Variants in RFC1 observed in about 807,000 individuals in gnomAD.
RFC1 encodes A1 140 kDa subunit.
A neutral mutation model predicts 137.4 loss-of-function variants in RFC1; 37 were observed. The ratio of observed to expected loss-of-function variants is 0.27; its 90% CI spans 0.21 to 0.35. The LOEUF is 0.35. RFC1 is among the 10% of genes least tolerant of loss of function. The pLI is 1.00. For missense variants in RFC1, 1,205 were observed against 1,358.5 expected, an observed-to-expected ratio of 0.89 and a Z score of 1.78; for synonymous variants, 429 against 455.7, an observed-to-expected ratio of 0.94 and a Z score of 0.75.
intron 14 of RFC1, 77 bp from the exon 15 acceptor site, chr4:39,305,005 G>A: frequency 1.2e-6 from 1 of 824,362 alleles, no homozygotes; most frequent in East Asian, 2.4e-5. Context: ...GGCCAGTTAA[G>A]AAAGAAAGAA....
intron 10 of RFC1, among the ~76,000 whole-genome samples, chr4:39,313,139 T>C (rs998494357): frequency 2.0e-5 from 3 of 152,170 alleles, no homozygotes; most frequent in Non-Finnish European, 4.4e-5. Flanking sequence ...TTAATAAACT[T>C]ACAAAACAAG....
At chr4:39,355,350 G>A (rs750082660) in intron 1 of RFC1, among the ~76,000 whole-genome samples, 2 of 151,528 alleles carry the variant, frequency 1.3e-5, no homozygotes, top group Admixed American at 6.6e-5. Flanking sequence ...TGGCACTTGC[G>A]CGCCAAGAGT....
chr4:39,324,181 C>A (rs577550579), intron 6 of RFC1, among the ~76,000 whole-genome samples: 1 of 151,786 alleles, frequency 6.6e-6, no homozygotes, highest in Non-Finnish European at 1.5e-5. Flanking sequence ...CTACATTATT[C>A]AAACAAAGAA....
intron 6 of RFC1, among the ~76,000 whole-genome samples, chr4:39,324,465 C>G (rs1010292949): frequency 1.3e-5 from 2 of 152,284 alleles, no homozygotes; most frequent in South Asian, 2.1e-4. Flanking sequence ...AAATTACTTC[C>G]TAGTTTGACC....
chr4:39,332,288 G>A (rs1005572571), intron 4 of RFC1, among the ~76,000 whole-genome samples: 13 of 152,098 alleles, frequency 8.5e-5, no homozygotes, highest in African/African-American at 2.7e-4. Flanking sequence ...CAGAGTCAGT[G>A]CTTTAGTTTC....
At chr4:39,329,859 A>C (rs891425605) in intron 4 of RFC1, among the ~76,000 whole-genome samples, 5 of 152,166 alleles carry the variant, frequency 3.3e-5, no homozygotes, top group Admixed American at 6.5e-5. Flanking sequence ...ACATGGTGAG[A>C]GCCCGTCTCT....
chr4:39,348,431 A>AAGACAAGACAAGACAAGACAAGAC (rs1740985979), intron 2 of RFC1, among the ~76,000 whole-genome samples: 1 of 83,920 alleles, frequency 1.2e-5, no homozygotes, highest in African/African-American at 4.2e-5. Flanking sequence ...TCAAAAAAGA[A>AAGACAAGACAAGACAAGACAAGAC]AAGAAAAGAA....
At chr4:39,333,759 A>T (rs1740222789) in intron 4 of RFC1, among the ~76,000 whole-genome samples, 1 of 152,204 alleles carries the variant, frequency 6.6e-6, no homozygotes, top group Non-Finnish European at 1.5e-5. Flanking sequence ...CTCTGAATAC[A>T]TGAATTTAAA....
intron 21 of RFC1, among the ~76,000 whole-genome samples, chr4:39,299,300 C>A (rs562917599): frequency 1.3e-5 from 2 of 152,110 alleles, no homozygotes; most frequent in Admixed American, 1.3e-4. Context: ...CTGTTCGAGG[C>A]TCTCAGCTCT....
intron 2 of RFC1, among the ~76,000 whole-genome samples, chr4:39,348,453 A>ACGG (rs1741004574): frequency 7.8e-6 from 1 of 128,780 alleles, no homozygotes. Flanking sequence ...AGAAAAGAAA[A>ACGG]GAAAAGAAAA....
intron 2 of RFC1, among the ~76,000 whole-genome samples, chr4:39,349,504 A>T (rs1212094566): frequency 6.6e-6 from 1 of 152,166 alleles, no homozygotes; most frequent in Non-Finnish European, 1.5e-5. Flanking sequence ...AGAAGAGGCT[A>T]TGTGAGGACA....
intron 12 of RFC1, among the ~76,000 whole-genome samples, chr4:39,309,764 T>C (rs1043267632): frequency 3.3e-5 from 5 of 152,236 alleles, no homozygotes; most frequent in African/African-American, 1.2e-4. Flanking sequence ...ATACTCTTGT[T>C]AATATACTAA....
In RFC1 at chr4:39,289,901, A is replaced by G; in HGVS notation, c.3307T>C (p.Ser1103Pro). The part of the protein sequence containing the change: ...EYNEELNEDD[S>P]QSDEKDQDAI... ...TCTTGGTCTTTCTCATCAGATTGAG[A>G]GTCATCTTCATTTAATTCTTCATTG... The change falls in exon 24 of 25, where the codon TCT becomes CCT. Residue 1103 changes from serine (S) to proline (P), a missense_variant. This residue lies in a region of RFC1 where 237 missense variants were observed against 304.2 expected (regional missense o/e 0.78). Transcript: ENST00000349703. 6.2e-7 allele frequency: 1 copy of G among 1,613,216 alleles called. No homozygotes were observed. Among genetic ancestry groups the G allele is most frequent in the Non-Finnish European group, 8.5e-7 (1 of 1,179,200 alleles).
chr4:39,353,912 T>C (rs2109763880), intron 1 of RFC1, among the ~76,000 whole-genome samples: 1 of 152,280 alleles, frequency 6.6e-6, no homozygotes, highest in East Asian at 1.9e-4. Context: ...CAAAAATGCT[T>C]AAAACTGAGA....
intron 21 of RFC1, 151 bp from the exon 22 acceptor site, chr4:39,295,910 A>G: frequency 3.6e-6 from 2 of 558,924 alleles, no homozygotes; most frequent in Non-Finnish European, 6.0e-6. Flanking sequence ...TATAACTCTG[A>G]TCTGCTGGTA....
At chr4:39,327,891 G>A (rs1739861387) in intron 4 of RFC1, 135 bp from the exon 5 acceptor site, 1 of 667,364 alleles carries the variant, frequency 1.5e-6, no homozygotes, top group Non-Finnish European at 2.5e-6. Context: ...CAGCACTTTT[G>A]GAGACCAAGA....
At chr4:39,299,548 G>A (rs2600445) in intron 21 of RFC1, among the ~76,000 whole-genome samples, 1 of 148,408 alleles carries the variant, frequency 6.7e-6, no homozygotes, top group Non-Finnish European at 1.5e-5. Flanking sequence ...AGGAGGCGGA[G>A]CTTGCAGTGA....
chr4:39,315,911 T>A (rs1739217856), intron 10 of RFC1, among the ~76,000 whole-genome samples: 1 of 152,160 alleles, frequency 6.6e-6, no homozygotes, highest in South Asian at 2.1e-4. Flanking sequence ...GAAATTCAAA[T>A]CTGGTCATGT....
At position 39,306,606 on chromosome 4, in the gene RFC1, A is replaced by T. The variant is rs775104115; in HGVS notation, c.1981T>A (p.Ser661Thr). 1 of 1,595,536 alleles carries T rather than the reference A, an allele frequency of 6.3e-7. No homozygotes were observed. Among genetic ancestry groups the T allele is most frequent in the African/African-American group, 1.3e-5 (1 of 74,734 alleles). Reference sequence around the variant, plus strand: ...AACGCACCCACCTGACACACCAGGGAAGCTGTGGTGGTTTTGCCAACACCA... The same window carrying T: ...AACGCACCCACCTGACACACCAGGGTAGCTGTGGTGGTTTTGCCAACACCA... ...PPGVGKTTTA[S>T]LVCQELGYSY... The change falls in exon 14 of 25, where the codon TCC becomes ACC. Residue 661 changes from serine to threonine, a missense_variant. Ser to Thr is a moderately conservative substitution (Grantham distance 58). This residue lies in a region of RFC1 where 962 missense variants were observed against 1,035.3 expected (regional missense o/e 0.93). Transcript: ENST00000349703.
Sources: gnomAD v4.1 joint callset for allele counts (sites outside exome capture counted in the v4.1 genomes callset) on GRCh38, gnomAD v4.1.1 for gene constraint, gnomAD v4.1.1 regional missense constraint, MANE v1.5 for transcripts, NCBI Gene and HGNC (gene_info 2026-07-23, HGNC 2026-07-21) for gene names.